The following ZNF37A variants were observed in gnomAD, a reference collection of about 807,000 sequenced individuals.
ZNF37A encodes zinc finger protein 37A, also known as zinc finger protein 37a (KOX 21).
In ZNF37A, 10 loss-of-function variants were observed where a neutral mutation model predicts 12.3. The observed-to-expected ratio is 0.82, with a 90% CI of 0.50 to 1.38. The LOEUF (loss-of-function observed/expected upper bound fraction) is 1.38. Among genes scored for constraint, ZNF37A ranks in the 40% most tolerant of loss-of-function variants. The pLI is 0.00. For synonymous variants in ZNF37A, 207 were observed against 223.0 expected, an observed-to-expected ratio of 0.93 and a Z score of 0.64; for missense variants, 580 against 651.2, an observed-to-expected ratio of 0.89 and a Z score of 1.19.
intron 5 of ZNF37A, among the ~76,000 whole-genome samples, chr10:38,106,490 A>G (rs1346355805): frequency 1.3e-5 from 2 of 152,180 alleles, no homozygotes; most frequent in Non-Finnish European, 2.9e-5. Flanking sequence ...ACAAAACTGG[A>G]CAGAGAATGA....
rs539807769 is a variant in ZNF37A, at chr10:38,112,157, C to A, written c.16-2598C>A. On this transcript the variant is annotated intron_variant, in intron 5 of 7. Coordinates refer to ENST00000685332, the MANE Select transcript of ZNF37A (RefSeq NM_001324250.3). ...CAAAAAAAAAAAAACTAAAAAAAAA[C>A]CCAACAAAACCCCTTTCCTATTATT... 2.0e-4 allele frequency among the ~76,000 whole-genome samples: 28 copies of A among 141,986 alleles called. 1 individual carries two copies. The highest frequency in any genetic ancestry group is 6.4e-4 in the East Asian group (3 of 4,682). 93.1% of individuals were successfully genotyped at this position (141,986 alleles called of 152,430 possible).
chr10:38,143,821 G>C (rs2070219105), intron 7 of ZNF37A: 1 of 152,200 alleles, frequency 6.6e-6, no homozygotes, highest in Non-Finnish European at 1.5e-5. Flanking sequence ...TGCACTGTGA[G>C]TCACCCCTTG....
intron 5 of ZNF37A, among the ~76,000 whole-genome samples, chr10:38,097,218 C>T (rs567966499): frequency 1.3e-5 from 2 of 152,024 alleles, no homozygotes; most frequent in African/African-American, 2.4e-5. Flanking sequence ...AGTAGTACAA[C>T]GAAGTGAATA....
At position 38,117,583 on chromosome 10, in the gene ZNF37A, A is replaced by G. The variant is rs1281158971; in HGVS notation, c.432A>G (p.Gln144=). ...IWHQKIKNWE[Q]SFEYNECGKA... Reference sequence around the variant, plus strand: ...ATCAGAAAATTAAAAATTGGGAACAATCTTTTGAATACAATGAATGTGGGA... The same window carrying G: ...ATCAGAAAATTAAAAATTGGGAACAGTCTTTTGAATACAATGAATGTGGGA... The change falls in exon 8 of 8, where the codon CAA becomes CAG. Residue 144 remains glutamine, a synonymous_variant. Transcript: ENST00000685332. 2 of 1,613,562 alleles carry G rather than the reference A, an allele frequency of 1.2e-6. No homozygotes were observed. Among genetic ancestry groups the G allele is most frequent in the South Asian group, 2.2e-5 (2 of 90,890 alleles).
rs1488325311 is a variant in ZNF37A at position 38,097,435 on chromosome 10, T to G, written c.15+803T>G. On this transcript the variant is annotated intron_variant, in intron 5 of 7. Coordinates refer to ENST00000685332, the MANE Select transcript of ZNF37A (RefSeq NM_001324250.3). ...TCTACTAAAAATACAAAAATTAGCT[T>G]GGCATGTTGGCGTGCACCTGTAATC... 1.3e-5 allele frequency among the ~76,000 whole-genome samples: 2 copies of G among 151,242 alleles called. 1 individual carries two copies. Among genetic ancestry groups the G allele is most frequent in the South Asian group, 4.2e-4 (2 of 4,776 alleles).
At chr10:38,112,743 T>G (rs190349731) in intron 5 of ZNF37A, among the ~76,000 whole-genome samples, 7,676 of 70,138 alleles carry the variant, frequency 0.11, 1,670 homozygotes, top group African/African-American at 0.18. Flanking sequence ...TTCTTTTCTT[T>G]TCTTTTCTTT....
intron 7 of ZNF37A, among the ~76,000 whole-genome samples, chr10:38,130,722 G>T (rs558444500): frequency 6.6e-6 from 1 of 151,712 alleles, no homozygotes; most frequent in Admixed American, 6.6e-5. Context: ...CACCTGTCTC[G>T]CCCTCCCAAA....
chr10:38,096,555 A>G lies in ZNF37A; in HGVS notation c.-44-19A>G. 1 of 1,579,260 alleles carries G rather than the reference A, an allele frequency of 6.3e-7. No homozygotes were observed. The highest frequency in any genetic ancestry group is 1.2e-5 in the South Asian group (1 of 86,614). The stretch of plus-strand genomic sequence containing the variant: ...TTTAAGGCAAGTGACATCACTCATG[A>G]TCTTTTCTTATTTCTCAGCTACACC... On this transcript the variant is annotated intron_variant, in intron 4 of 7. Transcript: ENST00000685332.
intron 7 of ZNF37A, among the ~76,000 whole-genome samples, chr10:38,145,462 C>T (rs954747354): frequency 6.6e-6 from 1 of 152,132 alleles, no homozygotes; most frequent in African/African-American, 2.4e-5. Context: ...GCATTTTATA[C>T]TTTAAAATAT....
chr10:38,147,041 A>G (rs1327466636), exon 8 of ZNF37A: 4 of 305,920 alleles, frequency 1.3e-5, no homozygotes, highest in Non-Finnish European at 2.4e-5. Flanking sequence ...TCTCTGGCTG[A>G]TTATCTGCAG....
chr10:38,095,960 G>A (rs539312336), intron 4 of ZNF37A, among the ~76,000 whole-genome samples, 156 bp downstream of exon 4: 3 of 152,248 alleles, frequency 2.0e-5, no homozygotes, highest in Admixed American at 2.0e-4. Context: ...GCTGAGGGGG[G>A]TGGATCAAGA....
chr10:38,129,069 A>G (rs2069971870), downstream of ZNF37A, among the ~76,000 whole-genome samples: 1 of 151,868 alleles, frequency 6.6e-6, no homozygotes, highest in African/African-American at 2.4e-5. Flanking sequence ...TTCTTTACAT[A>G]ATGTTTCTGT....
downstream of ZNF37A, among the ~76,000 whole-genome samples, chr10:38,127,019 T>C (rs1273732835): frequency 1.3e-5 from 2 of 152,208 alleles, no homozygotes; most frequent in Non-Finnish European, 2.9e-5. Flanking sequence ...AAAGATGCAC[T>C]CTATGTCCAT....
chr10:38,115,116 T>TAC (rs2069156956), intron 6 of ZNF37A, 79 bp from the exon 7 acceptor site: 5 of 1,164,338 alleles, frequency 4.3e-6, no homozygotes, highest in African/African-American at 3.3e-5. Flanking sequence ...TGTGTGTGTG[T>TAC]ACTGTTTGGG....
chr10:38,108,234 C>T (rs1271685260), intron 5 of ZNF37A, among the ~76,000 whole-genome samples: 2 of 152,122 alleles, frequency 1.3e-5, no homozygotes, highest in African/African-American at 4.8e-5. Context: ...ACTGAACAAC[C>T]TGCTCCTGAA....
intron 7 of ZNF37A, among the ~76,000 whole-genome samples, chr10:38,116,099 T>G (rs1339641480): frequency 6.6e-6 from 1 of 152,032 alleles, no homozygotes; most frequent in East Asian, 1.9e-4. Flanking sequence ...AAAATTAAAA[T>G]TACACATTCA....
Position 38,111,827 on chromosome 10 carries a change from G to A in ZNF37A, c.16-2928G>A, listed in dbSNP as rs573495699. Among the ~76,000 whole-genome samples the A allele has an allele frequency of 6.6e-5, 10 of 152,024 alleles. No individual in the cohort carries two copies. In the East Asian group the frequency reaches 9.7e-4, roughly 15 times the overall value. ...TTATTGACAGGCATGTTTGCCAGGC[G>A]TAGAATTCTCAGCTACAGCTTTTTC... On this transcript the variant is annotated intron_variant, in intron 5 of 7. Coordinates refer to ENST00000685332, the MANE Select transcript of ZNF37A (RefSeq NM_001324250.3).
chr10:38,112,582 C>T (rs372011840), intron 5 of ZNF37A, among the ~76,000 whole-genome samples: 18 of 147,542 alleles, frequency 1.2e-4, no homozygotes, highest in East Asian at 5.9e-4. Context: ...TTTTTTCTTT[C>T]GGAATTCATT....
At chr10:38,146,147 T>C (rs1200745403) in intron 7 of ZNF37A, among the ~76,000 whole-genome samples, 1 of 152,176 alleles carries the variant, frequency 6.6e-6, no homozygotes, top group African/African-American at 2.4e-5. Flanking sequence ...TTTTCTTTCA[T>C]TGAAATCACT....
Sources: gnomAD v4.1 joint callset for allele counts (sites outside exome capture counted in the v4.1 genomes callset) on GRCh38, gnomAD v4.1.1 for gene constraint, MANE v1.5 for transcripts, NCBI Gene and HGNC (gene_info 2026-07-23, HGNC 2026-07-21) for gene names.